PDIA5: variants seen among roughly 807,000 people sequenced by gnomAD.
PDIA5 encodes protein disulfide-isomerase A5.
In PDIA5, 58 loss-of-function variants were observed where a neutral mutation model predicts 77.6. The observed-to-expected ratio is 0.75, with a 90% CI of 0.61 to 0.93. PDIA5 has a LOEUF of 0.93. PDIA5 is among the 40% of genes least tolerant of loss of function. PDIA5 has a pLI of 0.00. For synonymous variants in PDIA5, 250 were observed against 252.1 expected (o/e 0.99, Z 0.08); for missense variants, 630 against 647.7 (o/e 0.97, Z 0.30).
intron 1 of PDIA5, among the ~76,000 whole-genome samples, chr3:123,077,095 G>A (rs1168115020): frequency 6.6e-6 from 1 of 152,236 alleles, no homozygotes; most frequent in Non-Finnish European, 1.5e-5. Context: ...GCAGCAGGCA[G>A]TAAGATGTGT....
chr3:123,151,040 T>C lies in PDIA5; in HGVS notation c.1273+676T>C, dbSNP rs141587081. Among the ~76,000 whole-genome samples, 95 of 152,352 alleles carry C rather than the reference T, an allele frequency of 6.2e-4. 1 individual carries two copies. The highest frequency in any genetic ancestry group is 3.4e-3 in the Middle Eastern group (1 of 294). ...GGAGTGAGGATAATAAAAGCTGCAG[T>C]CTACAGAGAAGCCAGGCAGCTCCAT... On this transcript the variant is annotated intron_variant, in intron 14 of 16. Transcript: ENST00000316218.
intron 13 of PDIA5, 58 bp downstream of exon 13, chr3:123,146,317 C>A: frequency 7.0e-7 from 1 of 1,438,624 alleles, no homozygotes; most frequent in Non-Finnish European, 9.7e-7. Flanking sequence ...CCCTGGAGAC[C>A]ACCTTGAGGA....
At chr3:123,102,860 G>T in intron 5 of PDIA5, 64 bp downstream of exon 5, 2 of 1,095,362 alleles carry the variant, frequency 1.8e-6, no homozygotes, top group African/African-American at 1.5e-5. Context: ...AGTCTGGCAG[G>T]TTTTCTCTCT....
intron 10 of PDIA5, among the ~76,000 whole-genome samples, chr3:123,129,865 A>T (rs900643816): frequency 2.0e-5 from 3 of 152,152 alleles, no homozygotes; most frequent in African/African-American, 7.2e-5. Context: ...TCTGGGAAGG[A>T]TTAGTGATGT....
chr3:123,124,028 G>A, intron 8 of PDIA5, 38 bp from the exon 9 acceptor site: 1 of 1,351,426 alleles, frequency 7.4e-7, no homozygotes, highest in South Asian at 1.2e-5. Context: ...TGTCTGTGGG[G>A]CACAGGCTCC....
intron 8 of PDIA5, among the ~76,000 whole-genome samples, chr3:123,123,804 G>A (rs1935173956): frequency 6.6e-6 from 1 of 152,236 alleles, no homozygotes; most frequent in Non-Finnish European, 1.5e-5. Context: ...TTTGCTCTGG[G>A]GTGGTTCTTC....
chr3:123,082,461 A>G (rs1429164420), intron 1 of PDIA5, among the ~76,000 whole-genome samples: 1 of 152,070 alleles, frequency 6.6e-6, no homozygotes, highest in Non-Finnish European at 1.5e-5. Flanking sequence ...TAAACGAGTT[A>G]GTGGGTATGA....
At chr3:123,076,095 G>A (rs535857838) in intron 1 of PDIA5, among the ~76,000 whole-genome samples, 2 of 152,226 alleles carry the variant, frequency 1.3e-5, no homozygotes, top group East Asian at 1.9e-4. Flanking sequence ...AGCAGGTCAC[G>A]CTCAATAGCT....
intron 14 of PDIA5, among the ~76,000 whole-genome samples, chr3:123,152,864 G>A (rs569331123): frequency 6.6e-6 from 1 of 152,154 alleles, no homozygotes; most frequent in African/African-American, 2.4e-5. Context: ...CCAGCTTGGC[G>A]GAGTCTCTAG....
At chr3:123,074,144 GA>G (rs2107904008) in intron 1 of PDIA5, among the ~76,000 whole-genome samples, 1 of 152,336 alleles carries the variant, frequency 6.6e-6, no homozygotes, top group South Asian at 2.1e-4. Context: ...TCATTCAACA[GA>G]TACTTCTTTT....
intron 8 of PDIA5, among the ~76,000 whole-genome samples, chr3:123,122,992 T>C (rs1406887163): frequency 6.6e-6 from 1 of 152,244 alleles, no homozygotes; most frequent in Non-Finnish European, 1.5e-5. Flanking sequence ...TTCAAAGTCC[T>C]GGCTGGGCAT....
intron 1 of PDIA5, among the ~76,000 whole-genome samples, chr3:123,073,100 G>T (rs1033146969): frequency 4.6e-5 from 7 of 152,244 alleles, no homozygotes; most frequent in Admixed American, 2.0e-4. Flanking sequence ...TCTGTTGGCA[G>T]AATTGTCAAA....
chr3:123,161,530 AG>A (rs1936160041), intron 16 of PDIA5, 75 bp downstream of exon 16: 1 of 1,468,086 alleles, frequency 6.8e-7, no homozygotes. Context: ...GAGGAGGGGC[AG>A]CACTGGGCAG....
chr3:123,083,744 G>A (rs1451722237), intron 1 of PDIA5, among the ~76,000 whole-genome samples: 1 of 152,174 alleles, frequency 6.6e-6, no homozygotes, highest in Non-Finnish European at 1.5e-5. Context: ...TTGTTATCAA[G>A]GTTTGTGGGT....
At chr3:123,103,901 T>C (rs1934665504) in intron 5 of PDIA5, among the ~76,000 whole-genome samples, 1 of 152,168 alleles carries the variant, frequency 6.6e-6, no homozygotes, top group Admixed American at 6.5e-5. Context: ...GAAGTGCTTA[T>C]GCAATGATGG....
At chr3:123,098,241 C>A (rs1934492016) in intron 3 of PDIA5, among the ~76,000 whole-genome samples, 1 of 152,180 alleles carries the variant, frequency 6.6e-6, no homozygotes, top group South Asian at 2.1e-4. Flanking sequence ...CCAGAGGTCG[C>A]TAATGGCAGA....
chr3:123,125,618 A>G (rs1265412315), intron 10 of PDIA5, among the ~76,000 whole-genome samples: 1 of 152,184 alleles, frequency 6.6e-6, no homozygotes, highest in Non-Finnish European at 1.5e-5. Context: ...GAGGTTGAAA[A>G]TGTGTATTTT....
chr3:123,130,458 C>T (rs1036041750), intron 10 of PDIA5, 22 bp from the exon 11 acceptor site: 16 of 1,609,734 alleles, frequency 9.9e-6, no homozygotes, highest in African/African-American at 1.3e-5. Context: ...GCTCTGAGCT[C>T]TGCCTGTTTT....
chr3:123,159,004 G>A (rs142908769), intron 15 of PDIA5, among the ~76,000 whole-genome samples: 1 of 152,360 alleles, frequency 6.6e-6, no homozygotes, highest in East Asian at 1.9e-4. Context: ...TGCATTCCAT[G>A]TGTGCGGCTG....
Sources: allele counts gnomAD v4.1 joint callset (sites outside exome capture counted in the v4.1 genomes callset), GRCh38; gene constraint gnomAD v4.1.1; transcripts MANE v1.5; gene names NCBI Gene and HGNC (gene_info 2026-07-23, HGNC 2026-07-21).